DMRT1: variants seen among roughly 807,000 people sequenced by gnomAD.
The protein encoded by DMRT1 is doublesex and mab-3 related transcription factor 1, also known as doublesex- and mab-3-related transcription factor 1.
A neutral mutation model predicts 32.3 loss-of-function variants in DMRT1; 7 were observed. That is an observed-to-expected ratio of 0.22 (90% CI 0.12 to 0.41). The LOEUF is 0.41. DMRT1 is among the 10% of genes least tolerant of loss of function. The pLI, the probability that DMRT1 is intolerant of heterozygous loss-of-function variation, is 1.00. For synonymous variants in DMRT1, 278 were observed against 206.1 expected (o/e 1.35, Z -2.99); for missense variants, 625 against 500.5 (o/e 1.25, Z -2.37).
intron 2 of DMRT1, among the ~76,000 whole-genome samples, chr9:866,955 C>T (rs751700441): frequency 3.3e-5 from 5 of 152,012 alleles, no homozygotes; most frequent in Non-Finnish European, 7.3e-5. Flanking sequence ...TTTGGGTGTG[C>T]TATTTTCATC....
chr9:846,902 G>A, intron 1 of DMRT1, 58 bp from the exon 2 acceptor site: 1 of 1,607,718 alleles, frequency 6.2e-7, no homozygotes, highest in Non-Finnish European at 8.5e-7. Flanking sequence ...GGGCTTCTGT[G>A]TTTTGGCAAA....
chr9:892,061 T>C (rs773812918), intron 2 of DMRT1, among the ~76,000 whole-genome samples: 8 of 152,178 alleles, frequency 5.3e-5, no homozygotes, highest in Non-Finnish European at 1.0e-4. Flanking sequence ...TGCTTGTTGC[T>C]CCTTGCTCTC....
At chr9:910,999 T>C (rs1031680128) in intron 3 of DMRT1, among the ~76,000 whole-genome samples, 1 of 152,206 alleles carries the variant, frequency 6.6e-6, no homozygotes, top group Non-Finnish European at 1.5e-5. Context: ...TCCTCTGATT[T>C]CTTTGCCGCT....
In DMRT1 at chr9:894,069, C is replaced by A; in HGVS notation, c.696C>A (p.Ser232=). The change falls in exon 3 of 5, where the codon TCC becomes TCA. Residue 232 remains serine (S), a synonymous_variant. Coordinates refer to ENST00000382276, the MANE Select transcript of DMRT1 (RefSeq NM_021951.3). ...YNNLYNCPQY[S]MALAADSASG... is the part of the protein sequence containing the mutation. ...ATCTATACAACTGCCCGCAGTACTCCATGGCCTTGGCTGCTGATTCTGCTT... is the reference window on the plus strand; with the variant it reads ...ATCTATACAACTGCCCGCAGTACTCAATGGCCTTGGCTGCTGATTCTGCTT... 6.2e-7 allele frequency: 1 copy of A among 1,614,250 alleles called. No homozygotes were observed. Among genetic ancestry groups the A allele is most frequent in the Non-Finnish European group, 8.5e-7 (1 of 1,180,046 alleles).
intron 2 of DMRT1, among the ~76,000 whole-genome samples, chr9:867,185 G>T (rs980066286): frequency 2.0e-5 from 3 of 151,992 alleles, no homozygotes; most frequent in Admixed American, 6.6e-5. Flanking sequence ...GGGAAATTGG[G>T]TAGGACTGAA....
chr9:854,371 A>G lies in DMRT1; in HGVS notation c.538+7228A>G, dbSNP rs140016129. Among the ~76,000 whole-genome samples the G allele has an allele frequency of 3.4e-3, 523 of 152,006 alleles. 4 individuals are homozygous for G. Among genetic ancestry groups the G allele is most frequent in the African/African-American group, 0.012 (495 of 41,468 alleles). On this transcript the variant is annotated intron_variant, in intron 2 of 4. Coordinates refer to ENST00000382276, the MANE Select transcript of DMRT1 (RefSeq NM_021951.3). ...GTGATCTTGACTCACTGCAACCTCC[A>G]CTTTCCAGATCAAGTGATTCTCGTG... is the stretch of plus-strand genomic sequence containing the variant.
intron 3 of DMRT1, among the ~76,000 whole-genome samples, chr9:913,117 G>A (rs775080052): frequency 5.9e-5 from 9 of 152,072 alleles, no homozygotes; most frequent in Non-Finnish European, 1.0e-4. Context: ...TGAAAGGAAG[G>A]TTTGTGTAAA....
Position 968,248 on chromosome 9 carries a change from C to T in DMRT1, c.*109C>T, listed in dbSNP as rs1820001005. On this transcript the variant is annotated 3_prime_UTR_variant, in exon 5 of 5. Transcript: ENST00000382276. ...CTCATACTATCTTAACTGTTGAGAACGTATTTGGTTTATATTCCTTAGAGT... is the reference window on the plus strand; with the variant it reads ...CTCATACTATCTTAACTGTTGAGAATGTATTTGGTTTATATTCCTTAGAGT... 2.2e-6 allele frequency: 3 copies of T among 1,374,684 alleles called. No homozygotes were observed. The highest frequency in any genetic ancestry group is 3.9e-5 in the Admixed American group (2 of 51,324). 85.2% of individuals were successfully genotyped at this position (1,374,684 alleles called of 1,614,324 possible).
At chr9:871,338 C>CT (rs1370831436) in intron 2 of DMRT1, among the ~76,000 whole-genome samples, 1,650 of 137,324 alleles carry the variant, frequency 0.012, 16 homozygotes, top group Middle Eastern at 0.071. Context: ...TCTTTGAACT[C>CT]TTTTTTTTTT....
chr9:929,217 G>A (rs1818629025), intron 4 of DMRT1, among the ~76,000 whole-genome samples: 1 of 152,120 alleles, frequency 6.6e-6, no homozygotes, highest in Non-Finnish European at 1.5e-5. Context: ...GAAACACCCT[G>A]GGATAGAAGG....
intron 4 of DMRT1, among the ~76,000 whole-genome samples, chr9:945,149 T>C (rs890600580): frequency 1.3e-5 from 2 of 152,094 alleles, no homozygotes; most frequent in African/African-American, 2.4e-5. Flanking sequence ...GTTTTTGTCT[T>C]TCTTTCTTTC....
chr9:935,611 T>TG (rs2129881500), intron 4 of DMRT1, among the ~76,000 whole-genome samples: 1 of 152,364 alleles, frequency 6.6e-6, no homozygotes, highest in East Asian at 1.9e-4. Flanking sequence ...TATCAGCACT[T>TG]GCCTGAGGCT....
At position 883,142 on chromosome 9, in the gene DMRT1, C is replaced by T. The variant is rs377208084; in HGVS notation, c.539-10770C>T. 1.1e-4 allele frequency among the ~76,000 whole-genome samples: 17 copies of T among 151,924 alleles called. No individual in the cohort carries two copies. In the East Asian group the frequency reaches 2.0e-3, roughly 17 times the overall value. On this transcript the variant is annotated intron_variant, in intron 2 of 4. Transcript: ENST00000382276. ...TAGCCTGCCATCTGTCCCACATTGA[C>T]GCTGCACTCCCCTTTGAACCAAGCC... is the stretch of plus-strand genomic sequence containing the variant.
Position 968,316 on chromosome 9 carries a change from G to C in DMRT1, c.*177G>C. 1.4e-6 allele frequency: 1 copy of C among 696,884 alleles called. No homozygotes were observed. The highest frequency in any genetic ancestry group is 2.4e-6 in the Non-Finnish European group (1 of 418,978). 43.2% of individuals were successfully genotyped at this position (696,884 alleles called of 1,614,324 possible). A position where few individuals can be genotyped will look rare whatever the true frequency, so the allele number is the denominator to read the frequency against. ...ACACATTTGTAATACTTTAGGGTCC[G>C]TGACTACCATCTGCATGGTTTAAGT... On this transcript the variant is annotated 3_prime_UTR_variant, in exon 5 of 5. Transcript: ENST00000382276.
intron 4 of DMRT1, among the ~76,000 whole-genome samples, chr9:942,270 A>G (rs536806609): frequency 1.3e-5 from 2 of 152,104 alleles, no homozygotes; most frequent in African/African-American, 4.8e-5. Flanking sequence ...AGAAATATCA[A>G]TTTTCCTTTT....
intron 2 of DMRT1, among the ~76,000 whole-genome samples, chr9:864,786 C>A (rs1380584885): frequency 2.0e-5 from 3 of 152,140 alleles, no homozygotes; most frequent in Non-Finnish European, 1.5e-5. Flanking sequence ...AGGCGTGAGC[C>A]ACCGTGCCCG....
At chr9:905,145 A>T (rs1444837344) in intron 3 of DMRT1, among the ~76,000 whole-genome samples, 1 of 152,082 alleles carries the variant, frequency 6.6e-6, no homozygotes, top group Non-Finnish European at 1.5e-5. Flanking sequence ...TATTTTTAAA[A>T]AATTATCCCA....
rs193021800 is a variant in DMRT1, at chr9:846,806, T to G, written c.355-154T>G. 2.9e-3 allele frequency among the ~76,000 whole-genome samples: 445 copies of G among 152,302 alleles called. 1 individual carries two copies. The highest frequency in any genetic ancestry group is 0.01 in the African/African-American group (436 of 41,574). On this transcript the variant is annotated intron_variant, in intron 1 of 4. Coordinates refer to ENST00000382276, the MANE Select transcript of DMRT1 (RefSeq NM_021951.3). The stretch of plus-strand genomic sequence containing the variant: ...AACTGTTTCTCAGCTTTGCACATCA[T>G]AGTTACCTGGGTGGGTTTAAGAAGA...
chr9:854,293 A>T (rs1296024446), intron 2 of DMRT1, among the ~76,000 whole-genome samples: 1 of 151,518 alleles, frequency 6.6e-6, no homozygotes, highest in Non-Finnish European at 1.5e-5. Flanking sequence ...TTATTAATTT[A>T]TTTATTTTTG....
Sources: allele counts gnomAD v4.1 joint callset (sites outside exome capture counted in the v4.1 genomes callset), GRCh38; gene constraint gnomAD v4.1.1; transcripts MANE v1.5; gene names NCBI Gene and HGNC (gene_info 2026-07-23, HGNC 2026-07-21).